CFAP97: variants seen among roughly 807,000 people sequenced by gnomAD.
CFAP97 encodes the protein cilia- and flagella-associated protein 97.
In CFAP97, 36 loss-of-function variants were observed where a neutral mutation model predicts 43.1. The ratio of observed to expected loss-of-function variants is 0.84; its 90% CI spans 0.64 to 1.10. The LOEUF (loss-of-function observed/expected upper bound fraction) is 1.10. CFAP97 is among the 50% of genes least tolerant of loss of function. The pLI is 0.00. For missense variants in CFAP97, 657 were observed against 620.3 expected (o/e 1.06, Z -0.63); for synonymous variants, 228 against 225.7 (o/e 1.01, Z -0.09).
At chr4:185,192,758 T>TTC (rs376440116) in intron 1 of CFAP97, among the ~76,000 whole-genome samples, 52,242 of 127,934 alleles carry the variant, frequency 0.41, 10,440 homozygotes, top group East Asian at 0.51. Context: ...TTTTTTTTTT[T>TTC]GAGACGGAGT....
At chr4:185,168,831 A>T (rs1579230398) in intron 3 of CFAP97, among the ~76,000 whole-genome samples, 1 of 151,210 alleles carries the variant, frequency 6.6e-6, no homozygotes, top group Non-Finnish European at 1.5e-5. Flanking sequence ...AGTTGCTTGA[A>T]CCCAGGAGCT....
rs1291181076 is a variant in CFAP97, at chr4:185,190,995, C to G, written c.202G>C (p.Gly68Arg). Residue 68 changes from glycine (G) to arginine (R), a missense_variant, in exon 2 of 5, where the codon GGA (glycine) becomes CGA (arginine). Transcript: ENST00000458385. ...QTTENYLTEK[G>R]NERNVKFPPE... ...GGAAATTTCACGTTTCTTTCATTTC[C>G]CTTCTCAGTAAGATAATTTTCTGTT... 2 of 1,613,558 alleles carry G rather than the reference C, an allele frequency of 1.2e-6. No homozygotes were observed. Among genetic ancestry groups the G allele is most frequent in the Non-Finnish European group, 1.7e-6 (2 of 1,179,710 alleles).
At chr4:185,196,282 G>A (rs1458516422) in intron 1 of CFAP97, among the ~76,000 whole-genome samples, 1 of 152,020 alleles carries the variant, frequency 6.6e-6, no homozygotes, top group Admixed American at 6.6e-5. Context: ...AGACCAGCCT[G>A]GCCAACATGA....
intron 4 of CFAP97, 138 bp from the exon 5 acceptor site, chr4:185,163,063 T>A: frequency 1.5e-6 from 1 of 670,604 alleles, no homozygotes; most frequent in Non-Finnish European, 2.2e-6. Flanking sequence ...GAATTCCCTG[T>A]GGAAGTTAAA....
At position 185,162,595 on chromosome 4, in the gene CFAP97, T is replaced by C. The variant is rs1000807457; in HGVS notation, c.*203A>G. ...CTATTAAGAACACATACATCTCATA[T>C]AAATACATCCTCAGGAAACACTTTT... On this transcript the variant is annotated 3_prime_UTR_variant, in exon 5 of 5. Coordinates refer to ENST00000458385, the MANE Select transcript of CFAP97 (RefSeq NM_020827.3). 1.0e-5 allele frequency: 6 copies of C among 573,264 alleles called. No individual in the cohort carries two copies. Among genetic ancestry groups the C allele is most frequent in the Admixed American group, 3.3e-5 (1 of 30,706 alleles). The allele number at this position is 573,264 out of a possible 1,614,324, so 35.5% of individuals were successfully genotyped here.
chr4:185,203,626 C>A (rs928099907), intron 1 of CFAP97, among the ~76,000 whole-genome samples: 1 of 152,098 alleles, frequency 6.6e-6, no homozygotes, highest in African/African-American at 2.4e-5. Flanking sequence ...CAATTTAGGG[C>A]TGATCCTGAC....
At chr4:185,182,674 C>G (rs573371582) in intron 2 of CFAP97, among the ~76,000 whole-genome samples, 80 of 152,346 alleles carry the variant, frequency 5.3e-4, no homozygotes, top group African/African-American at 1.9e-3. Context: ...ATTCCACTTT[C>G]AAAACTGTCT....
At chr4:185,192,709 C>G (rs947089367) in intron 1 of CFAP97, among the ~76,000 whole-genome samples, 2 of 144,046 alleles carry the variant, frequency 1.4e-5, no homozygotes, top group African/African-American at 2.6e-5. Flanking sequence ...GACCTTTGAC[C>G]TTCTTAAGAT....
Position 185,190,908 on chromosome 4 carries a change from A to C in CFAP97, c.289T>G (p.Ser97Ala). 1 of 1,613,666 alleles carries C rather than the reference A, an allele frequency of 6.2e-7. No individual in the cohort carries two copies. The highest frequency in any genetic ancestry group is 8.5e-7 in the Non-Finnish European group (1 of 1,179,728). Residue 97 changes from serine to alanine, a missense_variant, in exon 2 of 5, where the codon TCT becomes GCT. Transcript: ENST00000458385. ...QTVSSFSLPA[S>A]SRSKKLCDVT... ...TCACACAATTTTTTTGATCTTGAAG[A>C]GGCTGGCAATGAGAAAGAACTTACA...
rs964018075 is a variant in CFAP97, at chr4:185,192,810, G to A, written c.-16-1598C>T. 6.0e-5 allele frequency among the ~76,000 whole-genome samples: 8 copies of A among 133,910 alleles called. No homozygotes were observed. In the South Asian group the frequency reaches 1.6e-3, roughly 27 times the overall value. The allele number at this position is 133,910 out of a possible 152,430, so 87.9% of individuals were successfully genotyped here. ...GGCTGGAGTGCAGTGGTGCAATCTC[G>A]GCTCAGTGCAAGCTCCGCCTCCCGG... On this transcript the variant is annotated intron_variant, in intron 1 of 4. Transcript: ENST00000458385.
chr4:185,169,715 G>A (rs1181135157), intron 3 of CFAP97: 1 of 985,286 alleles, frequency 1.0e-6, no homozygotes, highest in Non-Finnish European at 1.2e-6. Flanking sequence ...TTGCTTTAGT[G>A]TTTCTAGAGC....
chr4:185,201,880 A>G (rs1736847211), intron 1 of CFAP97, among the ~76,000 whole-genome samples: 1 of 152,110 alleles, frequency 6.6e-6, no homozygotes. Context: ...ATCATCTTTT[A>G]AACACCGTAT....
rs74953250 is a variant in CFAP97, at chr4:185,162,559, C to T, written c.*239G>A. The T allele has an allele frequency of 0.016, 7,605 of 476,480 alleles. 459 individuals are homozygous for T. The highest frequency in any genetic ancestry group is 0.13 in the African/African-American group (6,544 of 49,266). The allele number at this position is 476,480 out of a possible 1,614,324, so 29.5% of individuals were successfully genotyped here. On this transcript the variant is annotated 3_prime_UTR_variant, in exon 5 of 5. Coordinates refer to ENST00000458385, the MANE Select transcript of CFAP97 (RefSeq NM_020827.3). ...AATAATTAGAAGATACACATGCATA[C>T]CACTATTTCTCTATTAAGAACACAT...
rs781085964 is a variant in CFAP97 at position 185,175,901 on chromosome 4, G to A, written c.1205C>T (p.Ala402Val). 21 of 1,613,648 alleles carry A rather than the reference G, an allele frequency of 1.3e-5. No homozygotes were observed. The highest frequency in any genetic ancestry group is 1.6e-5 in the Non-Finnish European group (19 of 1,179,872). The change falls in exon 3 of 5, where the codon GCG becomes GTG. Residue 402 changes from alanine to valine, a missense_variant. Coordinates refer to ENST00000458385, the MANE Select transcript of CFAP97 (RefSeq NM_020827.3). ...QRLLKELSRQ[A>V]EKPGSKSTIP... Reference sequence around the variant, plus strand: ...TGTACTTTTGCTTCCCGGCTTTTCCGCCTGTCTTGACAGTTCTTTCAAAAG... The same window carrying A: ...TGTACTTTTGCTTCCCGGCTTTTCCACCTGTCTTGACAGTTCTTTCAAAAG...
intron 3 of CFAP97, among the ~76,000 whole-genome samples, chr4:185,175,434 C>A (rs944627273): frequency 3.9e-5 from 6 of 151,944 alleles, no homozygotes; most frequent in Non-Finnish European, 8.8e-5. Flanking sequence ...GCCCACCATG[C>A]CCAGTTAATT....
chr4:185,204,153 G>A (rs895376574), upstream of CFAP97: 2 of 151,960 alleles, frequency 1.3e-5, no homozygotes, highest in Non-Finnish European at 2.9e-5. Flanking sequence ...GTGGAGGCCG[G>A]GCCAGGGACG....
chr4:185,172,486 A>T (rs1735340622), intron 3 of CFAP97, among the ~76,000 whole-genome samples: 1 of 152,108 alleles, frequency 6.6e-6, no homozygotes, highest in South Asian at 2.1e-4. Flanking sequence ...TTGCTAACAC[A>T]CTGATGTAAG....
At chr4:185,183,858 C>CAGT (rs1560864965) in intron 2 of CFAP97, among the ~76,000 whole-genome samples, 1 of 152,176 alleles carries the variant, frequency 6.6e-6, no homozygotes, top group Non-Finnish European at 1.5e-5. Flanking sequence ...CTTTACTATG[C>CAGT]AGTACTATGA....
chr4:185,163,913 TA>T lies in CFAP97; in HGVS notation c.1471+115del, dbSNP rs1334717308. The T allele has an allele frequency of 7.8e-6, 7 of 895,186 alleles. No individual in the cohort carries two copies. The African/African-American group carries it at 1.2e-4, about 15-fold the overall frequency. The allele number at this position is 895,186 out of a possible 1,614,324, so 55.5% of individuals were successfully genotyped here. A position where few individuals can be genotyped will look rare whatever the true frequency, so the allele number is the denominator to read the frequency against. On this transcript the variant is annotated intron_variant, in intron 4 of 4. Coordinates refer to ENST00000458385, the MANE Select transcript of CFAP97 (RefSeq NM_020827.3). ...TAAAACAAAACATGACAGTGGGAAA[TA>T]ACAGAACGCATTCCAGAGTTGGCAT... is the stretch of plus-strand genomic sequence containing the variant.
Sources: gnomAD v4.1 joint callset for allele counts (sites outside exome capture counted in the v4.1 genomes callset) on GRCh38, gnomAD v4.1.1 for gene constraint, MANE v1.5 for transcripts, NCBI Gene and HGNC (gene_info 2026-07-23, HGNC 2026-07-21) for gene names.